Variants in PTPRG observed in about 807,000 individuals in gnomAD.
The protein encoded by PTPRG is receptor-type tyrosine-protein phosphatase gamma.
A neutral mutation model predicts 165.3 loss-of-function variants in PTPRG; 102 were observed. That is an observed-to-expected ratio of 0.62 (90% CI 0.53 to 0.73). The LOEUF (loss-of-function observed/expected upper bound fraction) is 0.73. PTPRG is among the 30% of genes least tolerant of loss of function. The probability of loss-of-function intolerance (pLI) is 0.00; values close to 1 mark genes in which losing one functional copy is unlikely to be tolerated. For missense variants in PTPRG, 1,866 were observed against 1,861.4 expected, an observed-to-expected ratio of 1.00 and a Z score of -0.05; for synonymous variants, 675 against 669.5, an observed-to-expected ratio of 1.01 and a Z score of -0.13.
intron 7 of PTPRG, among the ~76,000 whole-genome samples, chr3:62,162,206 T>A (rs184948414): frequency 6.6e-6 from 1 of 152,300 alleles, no homozygotes; most frequent in Non-Finnish European, 1.5e-5. Flanking sequence ...AACTAATTAT[T>A]CTCCGTAATA....
intron 4 of PTPRG, among the ~76,000 whole-genome samples, chr3:62,017,103 G>T (rs1297366848): frequency 6.6e-6 from 1 of 152,172 alleles, no homozygotes; most frequent in East Asian, 1.9e-4. Context: ...TCTGTCTACT[G>T]TTGAATCTTG....
intron 1 of PTPRG, among the ~76,000 whole-genome samples, chr3:61,704,452 C>T (rs1332442409): frequency 6.6e-6 from 1 of 152,114 alleles, no homozygotes; most frequent in Non-Finnish European, 1.5e-5. Context: ...TTGGATGACC[C>T]TCTTCTTTGA....
At chr3:62,098,320 C>G (rs1171457538) in intron 5 of PTPRG, among the ~76,000 whole-genome samples, 1 of 152,006 alleles carries the variant, frequency 6.6e-6, no homozygotes, top group Non-Finnish European at 1.5e-5. Flanking sequence ...TTGCATATCA[C>G]TTACATTGTA....
chr3:62,025,213 C>T (rs1021295714), intron 4 of PTPRG, among the ~76,000 whole-genome samples: 4 of 152,132 alleles, frequency 2.6e-5, no homozygotes, highest in African/African-American at 9.7e-5. Flanking sequence ...AAGAAATGAA[C>T]TAATTGTTAA....
chr3:61,926,439 T>A (rs2107573712), intron 2 of PTPRG, among the ~76,000 whole-genome samples: 1 of 152,152 alleles, frequency 6.6e-6, no homozygotes, highest in Middle Eastern at 3.4e-3. Flanking sequence ...TTCACCTTCC[T>A]CCATGATTGT....
intron 5 of PTPRG, among the ~76,000 whole-genome samples, chr3:62,098,479 A>G (rs2106818680): frequency 6.6e-6 from 1 of 152,198 alleles, no homozygotes; most frequent in Non-Finnish European, 1.5e-5. Context: ...TCACCTGTGG[A>G]TAGTGGGGAT....
chr3:62,072,088 AG>A (rs780985468), intron 4 of PTPRG, among the ~76,000 whole-genome samples: 35 of 152,344 alleles, frequency 2.3e-4, no homozygotes, highest in Non-Finnish European at 4.6e-4. Flanking sequence ...TTTAAATGTA[AG>A]GGAGAAGTTG....
chr3:61,633,634 A>T (rs1211543738), intron 1 of PTPRG, among the ~76,000 whole-genome samples: 1 of 152,230 alleles, frequency 6.6e-6, no homozygotes, highest in African/African-American at 2.4e-5. Context: ...ATTTGCAAAT[A>T]GAAATAGTTT....
At chr3:61,933,214 A>G (rs996809917) in intron 2 of PTPRG, among the ~76,000 whole-genome samples, 3 of 152,192 alleles carry the variant, frequency 2.0e-5, no homozygotes, top group African/African-American at 7.2e-5. Context: ...CTTCAGGTTA[A>G]AAAGTAGTAA....
chr3:62,107,215 A>G (rs1324648859), intron 5 of PTPRG, among the ~76,000 whole-genome samples: 1 of 152,240 alleles, frequency 6.6e-6, no homozygotes, highest in African/African-American at 2.4e-5. Context: ...TCAGATTCGT[A>G]GTTACATCAT....
At position 61,567,685 on chromosome 3, in the gene PTPRG, TAAAAG is replaced by T. The variant is rs1460694786; in HGVS notation, c.85+5315_85+5319del. Among the ~76,000 whole-genome samples, 571 of 87,560 alleles carry T rather than the reference TAAAAG, an allele frequency of 6.5e-3. 2 individuals carry two copies. Among genetic ancestry groups the T allele is most frequent in the African/African-American group, 0.022 (537 of 24,204 alleles). The allele number at this position is 87,560 out of a possible 152,430, so 57.4% of individuals were successfully genotyped here. On this transcript the variant is annotated intron_variant, in intron 1 of 29. Coordinates refer to ENST00000474889, the MANE Select transcript of PTPRG (RefSeq NM_002841.4). ...TGTCTCAAAAAAAAAAAAAAAAAAT[TAAAAG>T]ATCAAATGTAGGCTGGGCATGGTGG... is the stretch of plus-strand genomic sequence containing the variant.
rs907307491 is a variant in PTPRG at position 62,255,288 on chromosome 3, C to G, written c.2559+73C>G. 4 of 1,175,266 alleles carry G rather than the reference C, an allele frequency of 3.4e-6. No individual in the cohort carries two copies. Among genetic ancestry groups the G allele is most frequent in the Non-Finnish European group, 5.0e-6 (4 of 804,050 alleles). 72.8% of individuals were successfully genotyped at this position (1,175,266 alleles called of 1,614,324 possible). On this transcript the variant is annotated intron_variant, in intron 16 of 29. Coordinates refer to ENST00000474889, the MANE Select transcript of PTPRG (RefSeq NM_002841.4). The surrounding 1 kb of genome is among the most constrained non-coding windows in gnomAD (Gnocchi z 4.0). ...TTATGCAGATTTTTGTAAACTTGAA[C>G]TGAATTCATTCCAAGCATAACAAAA...
intron 5 of PTPRG, among the ~76,000 whole-genome samples, chr3:62,088,871 C>T (rs173242): frequency 0.013 from 2,016 of 152,250 alleles, 38 homozygotes; most frequent in African/African-American, 0.046. Flanking sequence ...AAATGATAAA[C>T]GCTGGCTTAT....
chr3:62,020,004 T>C (rs1398413051), intron 4 of PTPRG, among the ~76,000 whole-genome samples: 1 of 151,788 alleles, frequency 6.6e-6, no homozygotes, highest in African/African-American at 2.4e-5. Flanking sequence ...ATCTTCTTGA[T>C]AGAAATAATT....
intron 5 of PTPRG, chr3:62,124,668 C>T (rs1010352894): frequency 1.1e-5 from 8 of 709,908 alleles, no homozygotes; most frequent in African/African-American, 3.5e-5. Flanking sequence ...CTCAGGCCAC[C>T]GCTGCCGCCT....
chr3:62,128,159 C>T (rs890995996), intron 5 of PTPRG, among the ~76,000 whole-genome samples: 1 of 152,082 alleles, frequency 6.6e-6, no homozygotes, highest in African/African-American at 2.4e-5. Context: ...ACTAATGCCA[C>T]GAAAGCTGCT....
intron 1 of PTPRG, among the ~76,000 whole-genome samples, chr3:61,607,963 CA>C (rs1369818622): frequency 6.6e-6 from 1 of 152,060 alleles, no homozygotes. Context: ...CTAATATTTC[CA>C]GAGAAACTAG....
chr3:61,991,873 G>A (rs2040900529), intron 3 of PTPRG, among the ~76,000 whole-genome samples: 1 of 152,172 alleles, frequency 6.6e-6, no homozygotes, highest in East Asian at 1.9e-4. Flanking sequence ...ACAGGTTTTA[G>A]ACGTATGTAG....
rs1267459658 is a variant in PTPRG, at chr3:62,057,391, A to G, written c.520-20772A>G. Among the ~76,000 whole-genome samples, 3 of 152,114 alleles carry G rather than the reference A, an allele frequency of 2.0e-5. 1 individual carries two copies. The highest frequency in any genetic ancestry group is 4.8e-5 in the African/African-American group (2 of 41,414). ...GGAGAAGTACCTCTTTTTTTATTTC[A>G]AAAGAAGTGCTTTTCTGTAGGCTGC... On this transcript the variant is annotated intron_variant, in intron 4 of 29. Transcript: ENST00000474889.
Sources: gnomAD v4.1 joint callset for allele counts (sites outside exome capture counted in the v4.1 genomes callset) on GRCh38, gnomAD v4.1.1 for gene constraint, Gnocchi (gnomAD v3.1) non-coding constraint, MANE v1.5 for transcripts, NCBI Gene and HGNC (gene_info 2026-07-23, HGNC 2026-07-21) for gene names.